Variants in ANK2 observed in about 807,000 individuals in gnomAD.
ANK2 encodes the protein ankyrin 2, also known as ankyrin-2.
In ANK2, 83 loss-of-function variants were observed where a neutral mutation model predicts 360.5. The observed-to-expected ratio is 0.23, with a 90% CI of 0.19 to 0.28. The LOEUF is 0.28. ANK2 is among the 10% of genes least tolerant of loss of function. ANK2 has a pLI of 1.00. For synonymous variants in ANK2, 1,740 were observed against 1,759.5 expected, an observed-to-expected ratio of 0.99 and a Z score of 0.28; for missense variants, 4,201 against 4,795.7, an observed-to-expected ratio of 0.88 and a Z score of 3.66.
At chr4:113,190,456 A>G (rs2098640558) in intron 2 of ANK2, among the ~76,000 whole-genome samples, 1 of 151,358 alleles carries the variant, frequency 6.6e-6, no homozygotes, top group Non-Finnish European at 1.5e-5. Context: ...TGACACCATA[A>G]CATTCTACAA....
the ANK2 span, among the ~76,000 whole-genome samples, chr4:112,721,789 G>T: frequency 6.6e-6 from 1 of 152,118 alleles, no homozygotes; most frequent in Admixed American, 6.6e-5. Context: ...GATGAAAATG[G>T]CATCATAAGC....
chr4:113,249,311 A>C (rs1439450537), intron 9 of ANK2, among the ~76,000 whole-genome samples: 2 of 152,240 alleles, frequency 1.3e-5, no homozygotes, highest in Non-Finnish European at 2.9e-5. Flanking sequence ...AAATTACGCT[A>C]AGAAAAATTT....
chr4:113,207,867 G>T (rs2153440751), intron 4 of ANK2, among the ~76,000 whole-genome samples: 1 of 152,256 alleles, frequency 6.6e-6, no homozygotes, highest in South Asian at 2.1e-4. Flanking sequence ...GCATGCGGAA[G>T]AAGACCTAGG....
chr4:113,342,032 C>A, intron 33 of ANK2, 116 bp downstream of exon 33: 2 of 1,147,668 alleles, frequency 1.7e-6, no homozygotes, highest in Non-Finnish European at 2.5e-6. Flanking sequence ...AAGACAAGTT[C>A]GCATTTTGGT....
intron 45 of ANK2, among the ~76,000 whole-genome samples, chr4:113,378,829 A>C (rs2097060873): frequency 1.3e-5 from 2 of 152,054 alleles, no homozygotes; most frequent in African/African-American, 4.8e-5. Context: ...TTGATGTATA[A>C]ACTTGGGCAC....
At chr4:112,800,469 G>C in the ANK2 span, among the ~76,000 whole-genome samples, 77 of 152,208 alleles carry the variant, frequency 5.1e-4, no homozygotes, top group East Asian at 0.015. Context: ...AGGCCCTCTG[G>C]AGTTCTGGGA....
At chr4:113,046,723 T>C (rs1464936476), upstream of ANK2, among the ~76,000 whole-genome samples, 1 of 152,136 alleles carries the variant, frequency 6.6e-6, no homozygotes, top group Non-Finnish European at 1.5e-5. Context: ...AGGTATTTTG[T>C]TATAGCAGCA....
intron 2 of ANK2, among the ~76,000 whole-genome samples, chr4:112,968,333 C>A (rs1216803726): frequency 1.3e-5 from 2 of 152,162 alleles, no homozygotes; most frequent in Non-Finnish European, 2.9e-5. Flanking sequence ...ATGGACCAGG[C>A]CCGTCCAACC....
chr4:113,129,639 C>A (rs1290142400), intron 1 of ANK2, among the ~76,000 whole-genome samples: 1 of 152,012 alleles, frequency 6.6e-6, no homozygotes, highest in African/African-American at 2.4e-5. Context: ...ATGATATAAC[C>A]AAAATACCAG....
At chr4:113,188,273 A>G (rs933665875) in intron 2 of ANK2, among the ~76,000 whole-genome samples, 1 of 152,206 alleles carries the variant, frequency 6.6e-6, no homozygotes, top group Admixed American at 6.5e-5. Context: ...GTTTCTAATT[A>G]ATTGTTATAA....
At chr4:113,117,211 T>C (rs2094892205) in intron 1 of ANK2, 5 of 442,662 alleles carry the variant, frequency 1.1e-5, no homozygotes, top group African/African-American at 2.0e-5. Flanking sequence ...CACATCTCCA[T>C]AGAGCTCTGA....
At chr4:113,381,391 T>C (rs72675297) in intron 45 of ANK2, 66 bp from the exon 46 acceptor site, 5 of 1,578,490 alleles carry the variant, frequency 3.2e-6, no homozygotes, top group Non-Finnish European at 4.4e-6. Context: ...ATGGTCACCT[T>C]CATTCCTAAC....
chr4:113,231,345 C>A (rs1178969110), intron 4 of ANK2, among the ~76,000 whole-genome samples: 2 of 152,156 alleles, frequency 1.3e-5, no homozygotes, highest in Admixed American at 6.5e-5. Flanking sequence ...AGCCACCACA[C>A]CCAGCCAAGA....
At chr4:112,718,053 A>G in the ANK2 span, among the ~76,000 whole-genome samples, 1 of 152,230 alleles carries the variant, frequency 6.6e-6, no homozygotes, top group African/African-American at 2.4e-5. Flanking sequence ...AAACATTTGC[A>G]TTCTCACATA....
intron 2 of ANK2, among the ~76,000 whole-genome samples, chr4:112,958,075 A>G (rs1581923354): frequency 2.3e-5 from 3 of 130,280 alleles, no homozygotes; most frequent in African/African-American, 3.0e-5. Flanking sequence ...CCTAGATGGG[A>G]TGGCGGCCGG....
chr4:113,209,775 G>A (rs2098999700), intron 4 of ANK2, among the ~76,000 whole-genome samples: 1 of 151,960 alleles, frequency 6.6e-6, no homozygotes, highest in Non-Finnish European at 1.5e-5. Context: ...TGAAGCGGAG[G>A]ACTTACAGGT....
chr4:112,808,922 ATC>A, the ANK2 span, among the ~76,000 whole-genome samples: 1 of 152,066 alleles, frequency 6.6e-6, no homozygotes, highest in Non-Finnish European at 1.5e-5. Flanking sequence ...AAGTGGTGCG[ATC>A]TCGGCTCGCT....
intron 9 of ANK2, among the ~76,000 whole-genome samples, chr4:113,243,334 A>T (rs1045978556): frequency 1.3e-5 from 2 of 152,208 alleles, no homozygotes; most frequent in African/African-American, 4.8e-5. Flanking sequence ...GTAAAGATCA[A>T]ATCTAGTTTC....
At chr4:113,108,858 A>G (rs1368795148) in intron 1 of ANK2, among the ~76,000 whole-genome samples, 1 of 152,210 alleles carries the variant, frequency 6.6e-6, no homozygotes, top group Non-Finnish European at 1.5e-5. Flanking sequence ...AATTTGTGAG[A>G]AAAATGTTAT....
Sources: allele counts gnomAD v4.1 joint callset (sites outside exome capture counted in the v4.1 genomes callset), GRCh38; gene constraint gnomAD v4.1.1; transcripts MANE v1.5; gene names NCBI Gene and HGNC (gene_info 2026-07-23, HGNC 2026-07-21).